ERG: variants seen among roughly 807,000 people sequenced by gnomAD.
ERG encodes the protein transcriptional regulator ERG.
Under a neutral mutation model 55.3 loss-of-function variants are expected in ERG, and 9 were observed. That is an observed-to-expected ratio of 0.16 (90% CI 0.10 to 0.28). The LOEUF is 0.28. Among genes scored for constraint, ERG ranks in the 10% least tolerant of loss-of-function variants. ERG has a pLI of 1.00. For synonymous variants in ERG, 223 were observed against 237.3 expected (o/e 0.94, Z 0.55); for missense variants, 434 against 631.6 (o/e 0.69, Z 3.35).
upstream of ERG, among the ~76,000 whole-genome samples, chr21:38,588,746 TTC>T (rs774003298): frequency 2.6e-4 from 39 of 152,218 alleles, no homozygotes; most frequent in Middle Eastern, 6.8e-3. Context: ...TGATACAGGA[TTC>T]TCTCTGTCAT....
intron 6 of ERG, among the ~76,000 whole-genome samples, chr21:38,394,432 A>C (rs961752525): frequency 2.6e-5 from 4 of 151,102 alleles, no homozygotes; most frequent in Non-Finnish European, 5.9e-5. Flanking sequence ...GGCTCACTGC[A>C]AGCTCCACCT....
At chr21:38,434,678 C>A (rs573985188) in intron 2 of ERG, among the ~76,000 whole-genome samples, 1 of 152,200 alleles carries the variant, frequency 6.6e-6, no homozygotes, top group African/African-American at 2.4e-5. Flanking sequence ...GTCACCTAAC[C>A]TTTCGAGGCT....
At chr21:38,651,253 T>C (rs973142430) in intron 1 of ERG, among the ~76,000 whole-genome samples, 1 of 152,254 alleles carries the variant, frequency 6.6e-6, no homozygotes, top group Non-Finnish European at 1.5e-5. Context: ...CAATTTTCTA[T>C]TGCTATCATA....
At chr21:38,375,854 C>T (rs2146399290), downstream of ERG, among the ~76,000 whole-genome samples, 1 of 152,300 alleles carries the variant, frequency 6.6e-6, no homozygotes, top group Non-Finnish European at 1.5e-5. Context: ...CTGTCTTGCT[C>T]ATTATCCTCC....
At chr21:38,661,670 C>A (rs553961184) in exon 1 of ERG, 2 of 152,438 alleles carry the variant, frequency 1.3e-5, no homozygotes, top group Non-Finnish European at 2.9e-5. Context: ...GAGCGCCGCT[C>A]CTCTTCTCTC....
At chr21:38,554,550 C>G (rs1408549229) in intron 2 of ERG, among the ~76,000 whole-genome samples, 1 of 152,052 alleles carries the variant, frequency 6.6e-6, no homozygotes, top group Non-Finnish European at 1.5e-5. Flanking sequence ...AGGCCATTAT[C>G]CTAAGGGAGT....
chr21:38,473,794 A>G (rs527303427), intron 1 of ERG, among the ~76,000 whole-genome samples: 48 of 151,664 alleles, frequency 3.2e-4, no homozygotes, highest in African/African-American at 1.1e-3. Flanking sequence ...AAATATATAT[A>G]TGTGTGTGTG....
At chr21:38,536,978 AG>A (rs2059715045) in intron 2 of ERG, among the ~76,000 whole-genome samples, 1 of 152,202 alleles carries the variant, frequency 6.6e-6, no homozygotes, top group Non-Finnish European at 1.5e-5. Context: ...AATAGAATAG[AG>A]ACTTCAGAAA....
chr21:38,457,044 A>G (rs2058996420), intron 1 of ERG, among the ~76,000 whole-genome samples: 1 of 152,220 alleles, frequency 6.6e-6, no homozygotes, highest in Admixed American at 6.5e-5. Flanking sequence ...GAACTAGGAG[A>G]GCAATCCCTC....
intron 2 of ERG, among the ~76,000 whole-genome samples, chr21:38,537,834 T>G (rs1188041704): frequency 2.0e-5 from 3 of 152,208 alleles, no homozygotes; most frequent in Non-Finnish European, 2.9e-5. Context: ...GAAATTGAAC[T>G]GATATTTGCA....
chr21:38,654,151 C>T (rs569537389), intron 1 of ERG, among the ~76,000 whole-genome samples: 4 of 152,218 alleles, frequency 2.6e-5, no homozygotes, highest in Non-Finnish European at 4.4e-5. Context: ...AAGAGATATT[C>T]GATCTTCAGA....
the ERG span, among the ~76,000 whole-genome samples, chr21:38,370,737 GTTAGA>G: frequency 6.6e-6 from 1 of 151,920 alleles, no homozygotes; most frequent in Admixed American, 6.6e-5. Context: ...ATGCATATCT[GTTAGA>G]TTAGTTTATG....
intron 2 of ERG, among the ~76,000 whole-genome samples, chr21:38,434,776 C>A (rs1990375573): frequency 6.6e-6 from 1 of 152,188 alleles, no homozygotes; most frequent in Non-Finnish European, 1.5e-5. Context: ...AGAAAGTCTG[C>A]AAACTGTGAA....
At chr21:38,471,523 C>A (rs1261454039) in intron 1 of ERG, 2 of 152,212 alleles carry the variant, frequency 1.3e-5, no homozygotes, top group Non-Finnish European at 2.9e-5. Flanking sequence ...TTACATAAAT[C>A]ATTTATGTTT....
At chr21:38,502,513 C>A, upstream of ERG, 1 of 157,902 alleles carries the variant, frequency 6.3e-6, no homozygotes, top group South Asian at 1.7e-4. Context: ...TGAATCTTGT[C>A]ATAGATGAAT....
chr21:38,478,083 G>A (rs757754042), intron 1 of ERG, among the ~76,000 whole-genome samples: 72 of 152,284 alleles, frequency 4.7e-4, no homozygotes, highest in Non-Finnish European at 9.0e-4. Context: ...TGCACACAAC[G>A]AGGCTGAGCC....
At chr21:38,513,450 C>T (rs575284271) in intron 2 of ERG, among the ~76,000 whole-genome samples, 1 of 152,242 alleles carries the variant, frequency 6.6e-6, no homozygotes, top group African/African-American at 2.4e-5. Flanking sequence ...AGAAGTATAT[C>T]AGTATGAGGA....
chr21:38,458,135 G>T (rs2059007032), intron 1 of ERG, among the ~76,000 whole-genome samples: 1 of 152,130 alleles, frequency 6.6e-6, no homozygotes, highest in South Asian at 2.1e-4. Flanking sequence ...CCCTGTAAAA[G>T]AGCACACTGG....
chr21:38,438,766 G>A (rs147438616), intron 2 of ERG, among the ~76,000 whole-genome samples: 38 of 152,290 alleles, frequency 2.5e-4, no homozygotes, highest in Middle Eastern at 6.8e-3. Context: ...TCATTCGCTG[G>A]GTGGGTCACC....
Sources: allele counts gnomAD v4.1 joint callset (sites outside exome capture counted in the v4.1 genomes callset), GRCh38; gene constraint gnomAD v4.1.1; transcripts MANE v1.5; gene names NCBI Gene and HGNC (gene_info 2026-07-23, HGNC 2026-07-21).